Variants in IGFN1 observed in about 807,000 individuals in gnomAD.
IGFN1 encodes the protein immunoglobulin-like and fibronectin type III domain-containing protein 1.
Under a neutral mutation model 289.5 loss-of-function variants are expected in IGFN1, and 253 were observed. The ratio of observed to expected loss-of-function variants is 0.87; its 90% CI spans 0.79 to 0.97. The LOEUF (loss-of-function observed/expected upper bound fraction) is 0.97, where lower values mean the gene tolerates loss of function less well. IGFN1 is among the 50% of genes least tolerant of loss of function. IGFN1 has a pLI of 0.00. For missense variants in IGFN1, 4,470 were observed against 4,686.1 expected, an observed-to-expected ratio of 0.95 and a Z score of 1.35; for synonymous variants, 1,706 against 1,788.5, an observed-to-expected ratio of 0.95 and a Z score of 1.16.
intron 20 of IGFN1, 123 bp from the exon 21 acceptor site, chr1:201,224,556 G>A: frequency 1.4e-6 from 1 of 732,098 alleles, no homozygotes; most frequent in Non-Finnish European, 2.2e-6. Context: ...GTGTTTTCTG[G>A]TCGACTTTCT....
In IGFN1 at chr1:201,209,540, G is replaced by A. The variant is rs752919772; in HGVS notation, c.4647G>A (p.Thr1549=). ...GTTCAGGGAGTAAGGCAGGTTTTACGGATGGTTTAGGAGGTTCTGAAGAAA... is the reference window on the plus strand; with the variant it reads ...GTTCAGGGAGTAAGGCAGGTTTTACAGATGGTTTAGGAGGTTCTGAAGAAA... ...AIGSGSKAGF[T]DGLGGSEEMG... is the part of the protein sequence containing the mutation. The change falls in exon 12 of 24, where the codon ACG becomes ACA. Residue 1549 remains threonine, a synonymous_variant. Transcript: ENST00000335211. The A allele has an allele frequency of 6.8e-5, 104 of 1,525,568 alleles. No individual in the cohort carries two copies. The highest frequency in any genetic ancestry group is 8.2e-5 in the Non-Finnish European group (94 of 1,140,646). The allele number at this position is 1,525,568 out of a possible 1,614,324, so 94.5% of individuals were successfully genotyped here.
In IGFN1 at chr1:201,205,240, T is replaced by G. The variant is rs1667352239; in HGVS notation, c.1075T>G (p.Ser359Ala). The change falls in exon 11 of 24, where the codon TCC becomes GCC. Residue 359 changes from serine to alanine, a missense_variant. By Grantham distance (99) the Ser-to-Ala change is moderately conservative. Coordinates refer to ENST00000335211, the MANE Select transcript of IGFN1 (RefSeq NM_001164586.2). ...CAGTGACAAATATGAAGTGTATGTG[T>G]CCCCTGACGGGCTGACCCACCGGCT... The part of the protein sequence containing the change: ...HPSDKYEVYV[S>A]PDGLTHRLVV... 1 of 1,550,858 alleles carries G rather than the reference T, an allele frequency of 6.4e-7. No homozygotes were observed. Among genetic ancestry groups the G allele is most frequent in the African/African-American group, 1.4e-5 (1 of 72,996 alleles).
intron 5 of IGFN1, 113 bp downstream of exon 5, chr1:201,197,430 G>GGCTGCTGCC (rs1443575719): frequency 1.4e-6 from 1 of 699,984 alleles, no homozygotes; most frequent in African/African-American, 1.7e-5. Flanking sequence ...GGCCCATCCA[G>GGCTGCTGCC]GCTGCTGCCG....
Position 201,221,767 on chromosome 1 carries a change from C to T in IGFN1, c.10201+21C>T, listed in dbSNP as rs931682656. ...TACTGGTGAGTGCTGCCTCCTTCCC[C>T]GACCCCTGAGCCCTGCAGGCCTCTC... is the stretch of plus-strand genomic sequence containing the variant. On this transcript the variant is annotated intron_variant, in intron 19 of 23. Transcript: ENST00000335211. 22 of 1,556,318 alleles carry T rather than the reference C, an allele frequency of 1.4e-5. No individual in the cohort carries two copies. The East Asian group carries it at 1.6e-4, about 11-fold the overall frequency.
intron 17 of IGFN1, among the ~76,000 whole-genome samples, chr1:201,218,260 G>A (rs999209207): frequency 2.0e-5 from 3 of 152,226 alleles, no homozygotes; most frequent in Non-Finnish European, 4.4e-5. Context: ...CAGCAACTCT[G>A]TAAGGCAGAG....
chr1:201,208,906 G>A lies in IGFN1; in HGVS notation c.4013G>A (p.Ser1338Asn), dbSNP rs373934349. ...LGAPEGISSG[S>N]KADYRGGLQD... ...GCTCCTGAGGGAATAAGTTCAGGGA[G>A]CAAGGCAGATTATAGGGGTGGTTTA... The change falls in exon 12 of 24, where the codon AGC becomes AAC. Residue 1338 changes from serine to asparagine, a missense_variant. Coordinates refer to ENST00000335211, the MANE Select transcript of IGFN1 (RefSeq NM_001164586.2). 2.6e-5 allele frequency: 40 copies of A among 1,536,428 alleles called. No homozygotes were observed. The African/African-American group carries it at 4.5e-4, about 17-fold the overall frequency.
In IGFN1 at chr1:201,205,116, G is replaced by T. The variant is rs1433590037; in HGVS notation, c.951G>T (p.Glu317Asp). 1 of 1,550,212 alleles carries T rather than the reference G, an allele frequency of 6.5e-7. No individual in the cohort carries two copies. The highest frequency in any genetic ancestry group is 2.4e-5 in the East Asian group (1 of 40,922). The change falls in exon 11 of 24, where the codon GAG becomes GAT. Residue 317 changes from glutamate (E) to aspartate (D), a missense_variant. Physicochemically the swap from Glu to Asp is conservative, Grantham distance 45 (BLOSUM62 2). Transcript: ENST00000335211. ...CAAGAGTGGTGGTCCCACTGGCGGA[G>T]ACCCACTGTGAGGAGCAGGGTGACG... ...IPPRVVVPLA[E>D]THCEEQGDAV...
At chr1:201,228,194 T>C (rs1430896731) in intron 23 of IGFN1, among the ~76,000 whole-genome samples, 192 bp from the exon 24 acceptor site, 1 of 152,202 alleles carries the variant, frequency 6.6e-6, no homozygotes, top group African/African-American at 2.4e-5. Flanking sequence ...GGGGTGATTA[T>C]GGTTCCCCGA....
At chr1:201,215,505 C>G (rs1653171535) in intron 14 of IGFN1, 34 bp from the exon 15 acceptor site, 1 of 1,518,548 alleles carries the variant, frequency 6.6e-7, no homozygotes. Context: ...GCCCAGTGCC[C>G]TGGTCTTCCT....
At position 201,227,175 on chromosome 1, in the gene IGFN1, C is replaced by T; in HGVS notation, c.11080C>T (p.Gln3694Ter). The T allele has an allele frequency of 6.2e-7, 1 of 1,607,432 alleles. No individual in the cohort carries two copies. The highest frequency in any genetic ancestry group is 8.5e-7 in the Non-Finnish European group (1 of 1,177,262). ...YKAVAENTLGQAVSTATLIVI... is the reference protein window; with the variant it reads ...YKAVAENTLG ...GGCTGTGGCTGAGAACACGCTGGGCCAGGCAGTCAGCACTGCCACCCTCAT... is the reference window on the plus strand; with the variant it reads ...GGCTGTGGCTGAGAACACGCTGGGCTAGGCAGTCAGCACTGCCACCCTCAT... Residue 3694 changes from glutamine (Q) to a stop codon, truncating the protein, a stop_gained, in exon 23 of 24, where the codon CAG (glutamine) becomes TAG (stop). Transcript: ENST00000335211. LOFTEE classifies it high-confidence loss of function.
At chr1:201,201,858 G>T in intron 9 of IGFN1, 26 bp downstream of exon 9, 1 of 960,754 alleles carries the variant, frequency 1.0e-6, no homozygotes. Context: ...CTATGGGTGG[G>T]GGGGATCTGG....
chr1:201,226,213 G>T (rs540746476), intron 22 of IGFN1, 90 bp downstream of exon 22: 3 of 1,357,610 alleles, frequency 2.2e-6, no homozygotes, highest in Non-Finnish European at 2.9e-6. Flanking sequence ...AAGCGCGCAG[G>T]ATAGGGACTG....
chr1:201,219,291 A>C (rs1266185016), intron 18 of IGFN1, among the ~76,000 whole-genome samples: 1 of 152,236 alleles, frequency 6.6e-6, no homozygotes, highest in African/African-American at 2.4e-5. Context: ...TGTGCCAGGA[A>C]GTAGGTAAAT....
chr1:201,214,049 G>A, intron 12 of IGFN1, 128 bp from the exon 13 acceptor site: 1 of 924,132 alleles, frequency 1.1e-6, no homozygotes, highest in Non-Finnish European at 1.6e-6. Flanking sequence ...AGATAGCATA[G>A]GTGCTGGGAA....
Position 201,208,012 on chromosome 1 carries a change from A to C in IGFN1, c.3119A>C (p.Lys1040Thr), listed in dbSNP as rs553604000. ...GGGTCTGGGAGAGTTGCCAGTCTTA[A>C]AAATGGCTCAGGTGGTCCTGATGGA... The part of the protein sequence containing the change: ...GGGSGRVASL[K>T]NGSGGPDGAP... The change falls in exon 12 of 24, where the codon AAA (lysine) becomes ACA (threonine). Residue 1040 changes from lysine to threonine, a missense_variant. Physicochemically the swap from Lys to Thr is moderately conservative, Grantham distance 78. Coordinates refer to ENST00000335211, the MANE Select transcript of IGFN1 (RefSeq NM_001164586.2). 3 of 1,536,938 alleles carry C rather than the reference A, an allele frequency of 2.0e-6. No individual in the cohort carries two copies. The highest frequency in any genetic ancestry group is 4.9e-5 in the East Asian group (2 of 40,890).
Position 201,221,426 on chromosome 1 carries a change from T to C in IGFN1, c.9899-18T>C, listed in dbSNP as rs2102366135. The C allele has an allele frequency of 6.5e-7, 1 of 1,536,306 alleles. No homozygotes were observed. The highest frequency in any genetic ancestry group is 1.8e-4 in the Middle Eastern group (1 of 5,680). ...CCTCAGGAGATGCCATTCCTGACTC[T>C]CCCATGGTGCCTGGCAGGACCCCCT... On this transcript the variant is annotated intron_variant, in intron 18 of 23. Coordinates refer to ENST00000335211, the MANE Select transcript of IGFN1 (RefSeq NM_001164586.2).
At chr1:201,191,716 C>T (rs1168374900) in intron 1 of IGFN1, among the ~76,000 whole-genome samples, 2 of 152,168 alleles carry the variant, frequency 1.3e-5, no homozygotes, top group Admixed American at 1.3e-4. Flanking sequence ...AACGTCACAT[C>T]CCTAAGTTCC....
At chr1:201,193,429 T>C (rs1163736749) in intron 2 of IGFN1, 129 bp downstream of exon 2, 3 of 631,426 alleles carry the variant, frequency 4.8e-6, no homozygotes, top group Non-Finnish European at 5.5e-6. Context: ...TTTTTCTCCT[T>C]ATTTTATTTT....
intron 20 of IGFN1, 30 bp from the exon 21 acceptor site, chr1:201,224,649 T>C: frequency 6.2e-7 from 1 of 1,601,918 alleles, no homozygotes. Context: ...AGCTTCCCCT[T>C]CTCAACTTTT....
Sources: allele counts gnomAD v4.1 joint callset (sites outside exome capture counted in the v4.1 genomes callset), GRCh38; gene constraint gnomAD v4.1.1; transcripts MANE v1.5; gene names NCBI Gene and HGNC (gene_info 2026-07-23, HGNC 2026-07-21).